Variants in MYH9 observed in about 807,000 individuals in gnomAD.
The protein encoded by MYH9 is myosin heavy chain 9, also known as myosin-9.
In MYH9, 29 loss-of-function variants were observed where a neutral mutation model predicts 241.9. The ratio of observed to expected loss-of-function variants is 0.12; its 90% CI spans 0.09 to 0.16. MYH9 has a LOEUF of 0.16. Ranked by LOEUF, MYH9 falls within the 10% of genes least tolerant of loss-of-function variation. The pLI is 1.00. For missense variants in MYH9, 1,803 were observed against 2,595.5 expected, an observed-to-expected ratio of 0.69 and a Z score of 6.63; for synonymous variants, 1,047 against 1,062.6, an observed-to-expected ratio of 0.99 and a Z score of 0.29.
At chr22:36,363,704 A>T (rs549104212) in intron 1 of MYH9, among the ~76,000 whole-genome samples, 2 of 152,176 alleles carry the variant, frequency 1.3e-5, no homozygotes, top group Non-Finnish European at 2.9e-5. Flanking sequence ...AGAAAAGCAA[A>T]TTGTTTCAGG....
intron 1 of MYH9, among the ~76,000 whole-genome samples, chr22:36,373,424 G>A (rs559851021): frequency 3.3e-5 from 5 of 152,344 alleles, no homozygotes; most frequent in African/African-American, 1.2e-4. Context: ...CACAACGGCG[G>A]AGGCGGGGTG....
rs1429699835 is a variant in MYH9 at position 36,295,920 on chromosome 22, AT to A, written c.3273-204del. On this transcript the variant is annotated intron_variant, in intron 25 of 40. Coordinates refer to ENST00000216181, the MANE Select transcript of MYH9 (RefSeq NM_002473.6). This position sits in a 1 kb window ranked among gnomAD's most constrained non-coding sequence, Gnocchi z 4.1. ...ACCCCTCTGAGAAGCAGAAAACCTC[AT>A]AGAGGAATCGTTTCAATTTCCAAAG... is the stretch of plus-strand genomic sequence containing the variant. Among the ~76,000 whole-genome samples, 2 of 152,246 alleles carry A rather than the reference AT, an allele frequency of 1.3e-5. No homozygotes were observed.
At chr22:36,348,847 C>CG (rs890456952) in intron 2 of MYH9, 57 bp downstream of exon 2, 2 of 924,612 alleles carry the variant, frequency 2.2e-6, no homozygotes, top group African/African-American at 3.1e-5. Flanking sequence ...ACCCGCCCCC[C>CG]CCCCCCACCT....
intron 25 of MYH9, among the ~76,000 whole-genome samples, chr22:36,296,540 C>CTTTTT (rs67917055): frequency 9.9e-6 from 1 of 100,884 alleles, no homozygotes; most frequent in South Asian, 3.4e-4. Context: ...CTGGTCAAGT[C>CTTTTT]TTTTTTTTTT....
chr22:36,296,964 G>C lies in MYH9; in HGVS notation c.3151C>G (p.Arg1051Gly). 1 of 1,614,162 alleles carries C rather than the reference G, an allele frequency of 6.2e-7. No homozygotes were observed. Among genetic ancestry groups the C allele is most frequent in the Non-Finnish European group, 8.5e-7 (1 of 1,180,030 alleles). Residue 1051 changes from arginine to glycine, a missense_variant, in exon 25 of 41, where the codon CGG becomes GGG. By Grantham distance (125) the Arg-to-Gly change is moderately radical. Coordinates refer to ENST00000216181, the MANE Select transcript of MYH9 (RefSeq NM_002473.6). Reference sequence around the variant, plus strand: ...TCTGTGGAGTCTCCCTCCAGCTTCCGGCGGGTCTTCTCCAGCTCCTGTCGC... The same window carrying C: ...TCTGTGGAGTCTCCCTCCAGCTTCCCGCGGGTCTTCTCCAGCTCCTGTCGC... ...KQRQELEKTR[R>G]KLEGDSTDLS...
rs917491802 is a variant in MYH9, at chr22:36,295,765, A to C, written c.3273-48T>G. 6.5e-7 allele frequency: 1 copy of C among 1,547,308 alleles called. No homozygotes were observed. Among genetic ancestry groups the C allele is most frequent in the African/African-American group, 1.4e-5 (1 of 73,632 alleles). The stretch of plus-strand genomic sequence containing the variant: ...CAGTATAAGGAGAGTTTCACCTCCA[A>C]GGAGCAGAGTTTGCAGGACAGGCCT... On this transcript the variant is annotated intron_variant, in intron 25 of 40. Transcript: ENST00000216181. This position sits in a 1 kb window ranked among gnomAD's most constrained non-coding sequence, Gnocchi z 4.1.
intron 1 of MYH9, among the ~76,000 whole-genome samples, chr22:36,373,890 G>A (rs1036604622): frequency 1.3e-5 from 2 of 152,096 alleles, no homozygotes; most frequent in Non-Finnish European, 2.9e-5. Context: ...CATTATAGTA[G>A]TAACTCAGAA....
At position 36,306,111 on chromosome 22, in the gene MYH9, G is replaced by A; in HGVS notation, c.2038-60C>T. The A allele has an allele frequency of 6.2e-7, 1 of 1,607,334 alleles. No homozygotes were observed. Among genetic ancestry groups the A allele is most frequent in the South Asian group, 1.1e-5 (1 of 90,984 alleles). The stretch of plus-strand genomic sequence containing the variant: ...CCGTGCCTAGAACAGTCGGAGAATA[G>A]TCAGGGAACCCCTATGAACCTGACA... On this transcript the variant is annotated intron_variant, in intron 16 of 40. Transcript: ENST00000216181. This position sits in a 1 kb window ranked among gnomAD's most constrained non-coding sequence, Gnocchi z 4.1.
Position 36,318,119 on chromosome 22 carries a change from C to T in MYH9, c.1227+88G>A, listed in dbSNP as rs139647821. The T allele has an allele frequency of 2.8e-4, 320 of 1,162,246 alleles. 2 individuals carry two copies. The African/African-American group carries it at 3.7e-3, about 13-fold the overall frequency. The allele number at this position is 1,162,246 out of a possible 1,614,324, so 72.0% of individuals were successfully genotyped here. A position where few individuals can be genotyped will look rare whatever the true frequency, so the allele number is the denominator to read the frequency against. On this transcript the variant is annotated intron_variant, in intron 11 of 40. Transcript: ENST00000216181. The stretch of plus-strand genomic sequence containing the variant: ...TGTGAAAGTGCCTGACACGGACACC[C>T]CAGGATGGCCCACAACAGCCTCAAC...
At chr22:36,312,734 G>T (rs928613664) in intron 13 of MYH9, among the ~76,000 whole-genome samples, 2 of 152,246 alleles carry the variant, frequency 1.3e-5, no homozygotes, top group Non-Finnish European at 2.9e-5. Context: ...GGACACTGCA[G>T]AGAGGCTGAC....
In MYH9 at chr22:36,320,197, C is replaced by T. The variant is rs765643757; in HGVS notation, c.1012+23G>A. The T allele has an allele frequency of 1.1e-5, 17 of 1,613,916 alleles. No homozygotes were observed. The highest frequency in any genetic ancestry group is 1.4e-5 in the Non-Finnish European group (16 of 1,180,020). Reference sequence around the variant, plus strand: ...CAGCCTTCCTCTGCCCCACACTCGACCATAGGAGGGCCAGCCCTGTACCCA... The same window carrying T: ...CAGCCTTCCTCTGCCCCACACTCGATCATAGGAGGGCCAGCCCTGTACCCA... On this transcript the variant is annotated intron_variant, in intron 9 of 40. Transcript: ENST00000216181. The surrounding 1 kb of genome is among the most constrained non-coding windows in gnomAD (Gnocchi z 4.8).
intron 32 of MYH9, 73 bp from the exon 33 acceptor site, chr22:36,289,012 T>G (rs2016639623): frequency 6.2e-7 from 1 of 1,612,678 alleles, no homozygotes; most frequent in African/African-American, 1.3e-5. Context: ...CCGGAGTCTG[T>G]GCACACACCG....
Position 36,293,231 on chromosome 22 carries a change from C to A in MYH9, c.4095+98G>T. On this transcript the variant is annotated intron_variant, in intron 30 of 40. Transcript: ENST00000216181. This position sits in a 1 kb window ranked among gnomAD's most constrained non-coding sequence, Gnocchi z 5.1. ...TCCCAGGGGGAGAGCAGCAATGGGC[C>A]GGCCCAGCGGGCAGGGCTGTCCTGC... 1 of 1,518,204 alleles carries A rather than the reference C, an allele frequency of 6.6e-7. No individual in the cohort carries two copies. 94.0% of individuals were successfully genotyped at this position (1,518,204 alleles called of 1,614,324 possible). A position where few individuals can be genotyped will look rare whatever the true frequency, so the allele number is the denominator to read the frequency against.
chr22:36,316,703 T>C (rs1196025379), intron 11 of MYH9, 34 bp from the exon 12 acceptor site: 3 of 1,612,472 alleles, frequency 1.9e-6, no homozygotes, highest in Admixed American at 1.7e-5. Flanking sequence ...TGGTGTCAGA[T>C]ACAAAGGATC....
chr22:36,304,141 C>A lies in MYH9; in HGVS notation c.2244G>T (p.Glu748Asp). Residue 748 changes from glutamate (E) to aspartate (D), a missense_variant, in exon 19 of 41, where the codon GAG becomes GAT. Transcript: ENST00000216181. Reference protein sequence around the residue: ...QACVLMIKALELDSNLYRIGQ... With the variant: ...QACVLMIKALDLDSNLYRIGQ... ...CAATGCGGTACAGATTGCTGTCGAG[C>A]TCCAGGGCTTTTATCTAGGTGGGAG... The A allele has an allele frequency of 6.2e-7, 1 of 1,613,514 alleles. No homozygotes were observed. Among genetic ancestry groups the A allele is most frequent in the Non-Finnish European group, 8.5e-7 (1 of 1,180,030 alleles).
In MYH9 at chr22:36,316,551, C is replaced by T. The variant is rs1485096168; in HGVS notation, c.1346G>A (p.Gly449Glu). The change falls in exon 12 of 41, where the codon GGG becomes GAG. Residue 449 changes from glycine to glutamate, a missense_variant. Physicochemically the swap from Gly to Glu is moderately conservative, Grantham distance 98. Transcript: ENST00000216181. ...KTKRQGASFI[G>E]ILDIAGFEIF... ...CTCGAAGCCGGCAATGTCCAGGATC[C>T]CGATGAAGGAGGCGCCCTGCCTCTT... The T allele has an allele frequency of 1.2e-6, 2 of 1,614,064 alleles. No homozygotes were observed.
Position 36,330,537 on chromosome 22 carries a change from C to A in MYH9, c.491-3049G>T, listed in dbSNP as rs2017405647. Among the ~76,000 whole-genome samples the A allele has an allele frequency of 6.6e-6, 1 of 152,160 alleles. No individual in the cohort carries two copies. The highest frequency in any genetic ancestry group is 2.4e-5 in the African/African-American group (1 of 41,438). ...CGGTTCTTCTGGATTTGTTCCTGAT[C>A]TCAGAGGCATCTCTTCTGGGCAGTG... On this transcript the variant is annotated intron_variant, in intron 3 of 40. Coordinates refer to ENST00000216181, the MANE Select transcript of MYH9 (RefSeq NM_002473.6). This position sits in a 1 kb window ranked among gnomAD's most constrained non-coding sequence, Gnocchi z 4.5.
rs148130685 is a variant in MYH9, at chr22:36,349,216, A to G, written c.21T>C (p.Asp7=). The change falls in exon 2 of 41, where the codon GAT becomes GAC. Residue 7 remains aspartate, a synonymous_variant. Transcript: ENST00000216181. The part of the protein sequence containing the change: MAQQAA[D]KYLYVDKNFI... ...AGTTTTTATCCACATAGAGATACTT[A>G]TCGGCAGCTTGCTGTGCCATGGTGA... 22 of 1,614,218 alleles carry G rather than the reference A, an allele frequency of 1.4e-5. No homozygotes were observed. The highest frequency in any genetic ancestry group is 1.6e-4 in the Middle Eastern group (1 of 6,062).
chr22:36,313,742 T>C (rs2017105191), intron 13 of MYH9, among the ~76,000 whole-genome samples: 2 of 152,170 alleles, frequency 1.3e-5, no homozygotes, highest in South Asian at 4.1e-4. Flanking sequence ...CACTGTTCCA[T>C]GCTACAGTGA....
Sources: allele counts gnomAD v4.1 joint callset (sites outside exome capture counted in the v4.1 genomes callset), GRCh38; gene constraint gnomAD v4.1.1; non-coding constraint Gnocchi (gnomAD v3.1); transcripts MANE v1.5; gene names NCBI Gene and HGNC (gene_info 2026-07-23, HGNC 2026-07-21).